The following DOCK8 variants were observed in gnomAD, a reference collection of about 807,000 sequenced individuals.
DOCK8 encodes the protein dedicator of cytokinesis protein 8.
A neutral mutation model predicts 245.6 loss-of-function variants in DOCK8; 141 were observed. That is an observed-to-expected ratio of 0.57 (90% CI 0.50 to 0.66). DOCK8 has a LOEUF of 0.66. DOCK8 is among the 30% of genes least tolerant of loss of function. The pLI is 0.00. For missense variants in DOCK8, 2,965 were observed against 2,603.4 expected (o/e 1.14, Z -3.02); for synonymous variants, 1,168 against 970.2 (o/e 1.20, Z -3.79).
chr9:291,189 G>T (rs984151591), intron 4 of DOCK8, among the ~76,000 whole-genome samples: 1 of 152,182 alleles, frequency 6.6e-6, no homozygotes, highest in South Asian at 2.1e-4. Context: ...GATACATTTG[G>T]TTTTCAGATT....
At chr9:400,944 C>G (rs1240690742) in intron 26 of DOCK8, among the ~76,000 whole-genome samples, 3 of 74,508 alleles carry the variant, frequency 4.0e-5, no homozygotes, top group South Asian at 3.4e-4. Context: ...TCCACCACCA[C>G]CATCACCACC....
chr9:224,367 G>A (rs542669), intron 1 of DOCK8, among the ~76,000 whole-genome samples: 2 of 151,954 alleles, frequency 1.3e-5, no homozygotes, highest in African/African-American at 2.4e-5. Flanking sequence ...TTAAAACACA[G>A]AATAAAAATT....
intron 23 of DOCK8, among the ~76,000 whole-genome samples, chr9:387,300 G>A (rs573812467): frequency 1.8e-4 from 27 of 152,128 alleles, no homozygotes; most frequent in African/African-American, 5.8e-4. Flanking sequence ...AAAACTAGCC[G>A]GGCATGATGG....
At chr9:329,992 A>T (rs956042647) in intron 9 of DOCK8, among the ~76,000 whole-genome samples, 1 of 152,138 alleles carries the variant, frequency 6.6e-6, no homozygotes, top group African/African-American at 2.4e-5. Context: ...TTTCCCTTTA[A>T]ATATATAGTA....
At chr9:328,821 A>C (rs749852405) in intron 9 of DOCK8, among the ~76,000 whole-genome samples, 1 of 151,418 alleles carries the variant, frequency 6.6e-6, no homozygotes, top group Non-Finnish European at 1.5e-5. Context: ...ATTCTAGGCT[A>C]TACTCTTTGC....
At chr9:417,241 C>T (rs1040431502) in intron 29 of DOCK8, among the ~76,000 whole-genome samples, 1 of 152,100 alleles carries the variant, frequency 6.6e-6, no homozygotes, top group African/African-American at 2.4e-5. Flanking sequence ...GGAGATGGCG[C>T]CACTGCACTC....
chr9:433,603 T>A (rs552255152), intron 37 of DOCK8, among the ~76,000 whole-genome samples: 1 of 152,190 alleles, frequency 6.6e-6, no homozygotes, highest in African/African-American at 2.4e-5. Context: ...TGGTTCAAAC[T>A]AATTTAAACA....
Position 432,296 on chromosome 9 carries a change from C to G in DOCK8, c.4757C>G (p.Ala1586Gly). Residue 1586 changes from alanine (A) to glycine (G), a missense_variant, in exon 37 of 48, where the codon GCC becomes GGC. By Grantham distance (60) the Ala-to-Gly change is moderately conservative. Transcript: ENST00000432829. ...TILAYSEEDT[A>G]MQMTPFPTQV... ...TTGGCCTATTCAGAAGAGGACACAG[C>G]CATGCAGATGACTCCTTTTCCCACC... is the stretch of plus-strand genomic sequence containing the variant. 6.2e-7 allele frequency: 1 copy of G among 1,614,032 alleles called. No individual in the cohort carries two copies. The highest frequency in any genetic ancestry group is 8.5e-7 in the Non-Finnish European group (1 of 1,180,012).
intron 22 of DOCK8, among the ~76,000 whole-genome samples, 200 bp downstream of exon 22, chr9:382,885 G>A (rs1413344804): frequency 6.6e-6 from 1 of 152,132 alleles, no homozygotes; most frequent in Admixed American, 6.5e-5. Flanking sequence ...ACCAGCATCT[G>A]AGGATTTGCT....
chr9:214,602 A>C, upstream of DOCK8: 2 of 1,613,936 alleles, frequency 1.2e-6, no homozygotes, highest in Non-Finnish European at 1.7e-6. Flanking sequence ...CTTCGGGCAG[A>C]TGGAGCTTCC....
chr9:410,289 A>T (rs779772558), intron 28 of DOCK8, among the ~76,000 whole-genome samples: 1 of 151,970 alleles, frequency 6.6e-6, no homozygotes, highest in African/African-American at 2.4e-5. Context: ...CACTATTCTG[A>T]CTCTTATTAT....
chr9:223,966 G>A (rs1041506469), intron 1 of DOCK8, among the ~76,000 whole-genome samples: 1 of 152,076 alleles, frequency 6.6e-6, no homozygotes, highest in African/African-American at 2.4e-5. Context: ...TAGCACTCAA[G>A]CAAGCCTATT....
intron 43 of DOCK8, among the ~76,000 whole-genome samples, chr9:445,147 C>A (rs1227481738): frequency 6.6e-6 from 1 of 152,226 alleles, no homozygotes; most frequent in Non-Finnish European, 1.5e-5. Flanking sequence ...TTCAGACACA[C>A]ATGTCTGGGA....
At chr9:234,386 T>C (rs201448180) in intron 1 of DOCK8, among the ~76,000 whole-genome samples, 1 of 152,122 alleles carries the variant, frequency 6.6e-6, no homozygotes. Context: ...TGGAATTGCT[T>C]TTCTCAAGGA....
At chr9:344,957 C>A (rs779196901) in intron 14 of DOCK8, among the ~76,000 whole-genome samples, 3 of 152,010 alleles carry the variant, frequency 2.0e-5, no homozygotes, top group South Asian at 2.1e-4. Flanking sequence ...GAGGCTGAGG[C>A]GGGAGAATCG....
chr9:439,346 C>G lies in DOCK8; in HGVS notation c.5181C>G (p.Gly1727=). The change falls in exon 40 of 48, where the codon GGC becomes GGG. Residue 1727 remains glycine, a synonymous_variant. Coordinates refer to ENST00000432829, the MANE Select transcript of DOCK8 (RefSeq NM_203447.4). ...CAGGCCAGTACTTCACCGAGAGTGG[C>G]CTGGTAGGCCTCCTGGAGCAGGCCG... The part of the protein sequence containing the change: ...VCAGQYFTES[G]LVGLLEQAAE... 6.2e-7 allele frequency: 1 copy of G among 1,614,110 alleles called. No homozygotes were observed. The highest frequency in any genetic ancestry group is 1.1e-5 in the South Asian group (1 of 91,082).
In DOCK8 at chr9:446,535, A is replaced by G. The variant is rs1226474971; in HGVS notation, c.5746A>G (p.Asn1916Asp). 1.2e-6 allele frequency: 2 copies of G among 1,614,082 alleles called. No homozygotes were observed. The highest frequency in any genetic ancestry group is 1.3e-5 in the African/African-American group (1 of 74,936). The change falls in exon 44 of 48, where the codon AAC becomes GAC. Residue 1916 changes from asparagine (N) to aspartate (D), a missense_variant. Asn to Asp is a conservative substitution (Grantham distance 23). Around this residue, in one of 3 missense-constraint regions of DOCK8, gnomAD observed 2,825 missense variants for 2,453.5 expected, o/e 1.15. Coordinates refer to ENST00000432829, the MANE Select transcript of DOCK8 (RefSeq NM_203447.4). ...RGELHEQYRR[N>D]TVLTTMHAFP... ...AGAGCTGCATGAGCAGTACAGAAGG[A>G]ACACAGTCCTGACCACTATGCACGC...
At chr9:432,077 T>A in intron 36 of DOCK8, 89 bp from the exon 37 acceptor site, 1 of 1,350,272 alleles carries the variant, frequency 7.4e-7, no homozygotes, top group East Asian at 2.4e-5. Flanking sequence ...CACTGAGGAG[T>A]TGTTTGTGTC....
chr9:455,793 A>C (rs1004502264), intron 46 of DOCK8, among the ~76,000 whole-genome samples: 1 of 151,976 alleles, frequency 6.6e-6, no homozygotes, highest in Admixed American at 6.5e-5. Flanking sequence ...TAAATAATAA[A>C]ATAAAATTTT....
Sources: gnomAD v4.1 joint callset for allele counts (sites outside exome capture counted in the v4.1 genomes callset) on GRCh38, gnomAD v4.1.1 for gene constraint, gnomAD v4.1.1 regional missense constraint, MANE v1.5 for transcripts, NCBI Gene and HGNC (gene_info 2026-07-23, HGNC 2026-07-21) for gene names.